Variants in SATL1 observed in about 807,000 individuals in gnomAD.
SATL1 encodes spermidine/spermine N(1)-acetyltransferase-like protein 1.
In SATL1, 47 loss-of-function variants were observed where a neutral mutation model predicts 51.8. The ratio of observed to expected loss-of-function variants is 0.91; its 90% CI spans 0.72 to 1.16. SATL1 has a LOEUF of 1.16. Ranked by LOEUF, SATL1 falls within the 50% of genes most tolerant of loss-of-function variation. SATL1 has a pLI of 0.00. For synonymous variants in SATL1, 176 were observed against 182.4 expected, an observed-to-expected ratio of 0.97 and a Z score of 0.28; for missense variants, 520 against 526.4, an observed-to-expected ratio of 0.99 and a Z score of 0.12.
chrX:85,101,754 T>A (rs1340291579), intron 4 of SATL1, among the ~76,000 whole-genome samples: 8 of 111,530 alleles, frequency 7.2e-5, no homozygotes, highest in Non-Finnish European at 1.3e-4. Flanking sequence ...TTATTCACAA[T>A]AGCCAAAATT....
At chrX:85,235,568 C>A (rs1928463667) in intron 1 of SATL1, among the ~76,000 whole-genome samples, 1 of 110,802 alleles carries the variant, frequency 9.0e-6, no homozygotes, top group Admixed American at 9.6e-5. Flanking sequence ...AGAAATGAAA[C>A]AACATGCTTC....
chrX:85,217,549 A>G (rs1928074647), intron 2 of SATL1, among the ~76,000 whole-genome samples: 1 of 111,719 alleles, frequency 9.0e-6, no homozygotes, highest in Non-Finnish European at 1.9e-5. Flanking sequence ...GGTTCATCTC[A>G]GTCTCTGCTA....
At chrX:85,135,346 A>G (rs758587212) in intron 2 of SATL1, among the ~76,000 whole-genome samples, 1 of 110,921 alleles carries the variant, frequency 9.0e-6, no homozygotes, top group Non-Finnish European at 1.9e-5. Context: ...AAGAAAAAAA[A>G]ACTTCAAATA....
chrX:85,165,684 G>A (rs1926819286), intron 2 of SATL1, among the ~76,000 whole-genome samples: 2 of 111,297 alleles, frequency 1.8e-5, no homozygotes, highest in Admixed American at 1.9e-4. Flanking sequence ...CTGTTTCAGT[G>A]GAAATATCTG....
intron 2 of SATL1, among the ~76,000 whole-genome samples, chrX:85,147,042 G>C (rs1251940447): frequency 8.9e-6 from 1 of 112,532 alleles, no homozygotes; most frequent in Non-Finnish European, 1.9e-5. Flanking sequence ...GAAGCACAAG[G>C]GGTCAGGTAG....
At chrX:85,197,592 A>C (rs1445111532) in intron 2 of SATL1, among the ~76,000 whole-genome samples, 1 of 108,558 alleles carries the variant, frequency 9.2e-6, no homozygotes, top group Non-Finnish European at 1.9e-5. Flanking sequence ...GGTGTACTGC[A>C]CCCATTAACT....
At chrX:85,182,945 G>A (rs1927238644) in intron 2 of SATL1, among the ~76,000 whole-genome samples, 1 of 111,233 alleles carries the variant, frequency 9.0e-6, no homozygotes, top group Non-Finnish European at 1.9e-5. Flanking sequence ...CTTGTTTTTT[G>A]TTGAGATGCT....
chrX:85,230,595 A>T (rs774740170), intron 1 of SATL1, among the ~76,000 whole-genome samples: 5 of 112,466 alleles, frequency 4.4e-5, no homozygotes, highest in African/African-American at 6.4e-5. Context: ...AAGCTTCTAC[A>T]CAGCAAAGGA....
chrX:85,149,920 C>T (rs1380367646), intron 2 of SATL1, among the ~76,000 whole-genome samples: 31 of 111,129 alleles, frequency 2.8e-4, no homozygotes, highest in African/African-American at 8.8e-4. Flanking sequence ...AAAGCAAGAG[C>T]GAACACATTC....
At chrX:85,154,512 G>A (rs984089058) in intron 2 of SATL1, among the ~76,000 whole-genome samples, 2 of 111,952 alleles carry the variant, frequency 1.8e-5, no homozygotes, top group African/African-American at 6.5e-5. Context: ...TATTATGTGT[G>A]TCAGGCTGAA....
intron 2 of SATL1, among the ~76,000 whole-genome samples, chrX:85,141,536 A>C (rs1319445344): frequency 9.0e-6 from 1 of 111,694 alleles, no homozygotes; most frequent in Non-Finnish European, 1.9e-5. Flanking sequence ...GGACTTTCTA[A>C]GTGTGTCACA....
At chrX:85,169,130 G>C (rs1201677717) in intron 2 of SATL1, among the ~76,000 whole-genome samples, 1 of 112,159 alleles carries the variant, frequency 8.9e-6, no homozygotes, top group Non-Finnish European at 1.9e-5. Context: ...TCAAGATGGA[G>C]TAAAGACTTA....
rs1325065410 is a variant in SATL1 at position 85,102,994 on chromosome X, C to A, written c.1693+870G>T. ...TTATGCTGTTTCAGTTTGAGTACTG[C>A]TTTCATAGAGTGTACATTACTTTCA... On this transcript the variant is annotated intron_variant, in intron 4 of 7. Coordinates refer to ENST00000644105, the MANE Select transcript of SATL1 (RefSeq NM_001367857.2). 6.3e-5 allele frequency among the ~76,000 whole-genome samples: 7 copies of A among 111,290 alleles called. No individual in the cohort carries two copies. The Admixed American group carries it at 6.7e-4, about 11-fold the overall frequency.
intron 2 of SATL1, among the ~76,000 whole-genome samples, chrX:85,204,274 T>G (rs750824492): frequency 3.6e-5 from 4 of 111,868 alleles, no homozygotes; most frequent in Non-Finnish European, 5.6e-5. Context: ...TGCGTCAAGT[T>G]GTTTCCTTGA....
chrX:85,169,206 A>G (rs767311606), intron 2 of SATL1, among the ~76,000 whole-genome samples: 1 of 111,969 alleles, frequency 8.9e-6, no homozygotes, highest in Non-Finnish European at 1.9e-5. Context: ...TGGACATAGG[A>G]ATGGGCAAAT....
chrX:85,099,582 G>A (rs761997709), intron 4 of SATL1, among the ~76,000 whole-genome samples: 1 of 111,350 alleles, frequency 9.0e-6, no homozygotes, highest in Non-Finnish European at 1.9e-5. Context: ...AGGAACGTAA[G>A]GGTGCACCAA....
chrX:85,197,046 A>G (rs1054413556), intron 2 of SATL1, among the ~76,000 whole-genome samples: 2 of 111,817 alleles, frequency 1.8e-5, no homozygotes, highest in Non-Finnish European at 3.8e-5. Context: ...CCAAGCAAGT[A>G]AAAAGAGAGT....
intron 2 of SATL1, among the ~76,000 whole-genome samples, chrX:85,129,791 A>G (rs1169944860): frequency 9.0e-6 from 1 of 111,433 alleles, no homozygotes; most frequent in Non-Finnish European, 1.9e-5. Context: ...GTTTGGCATA[A>G]ATAGCTCTTA....
chrX:85,099,800 G>A, intron 4 of SATL1, among the ~76,000 whole-genome samples: 1 of 112,444 alleles, frequency 8.9e-6, no homozygotes, highest in South Asian at 3.7e-4. Context: ...GTGAATGACT[G>A]AAAACATTCC....
Sources: gnomAD v4.1 joint callset for allele counts (sites outside exome capture counted in the v4.1 genomes callset) on GRCh38, gnomAD v4.1.1 for gene constraint, MANE v1.5 for transcripts, NCBI Gene and HGNC (gene_info 2026-07-23, HGNC 2026-07-21) for gene names.